EHHADH: variants seen among roughly 807,000 people sequenced by gnomAD.
The protein encoded by EHHADH is enoyl-CoA hydratase and 3-hydroxyacyl CoA dehydrogenase, also known as peroxisomal bifunctional enzyme.
EHHADH carries 48 observed loss-of-function variants against 64.4 expected under a neutral mutation model. The observed-to-expected ratio is 0.75, with a 90% CI of 0.59 to 0.95. The LOEUF is 0.95. Ranked by LOEUF, EHHADH falls within the 40% of genes least tolerant of loss-of-function variation. The pLI is 0.00. For synonymous variants in EHHADH, 308 were observed against 326.7 expected, an observed-to-expected ratio of 0.94 and a Z score of 0.62; for missense variants, 854 against 876.6, an observed-to-expected ratio of 0.97 and a Z score of 0.33.
chr3:185,206,253 GA>G (rs1718386917), intron 5 of EHHADH, among the ~76,000 whole-genome samples: 1 of 150,308 alleles, frequency 6.7e-6, no homozygotes, highest in South Asian at 2.1e-4. Flanking sequence ...ATCGTAGTGG[GA>G]TAATTGGATA....
chr3:185,224,458 G>C (rs1718918788), intron 4 of EHHADH, among the ~76,000 whole-genome samples: 1 of 136,232 alleles, frequency 7.3e-6, no homozygotes, highest in South Asian at 2.3e-4. Context: ...CTGAGATCGT[G>C]CCACTGTACT....
chr3:185,246,159 T>C (rs1719588417), intron 2 of EHHADH: 1 of 1,084,358 alleles, frequency 9.2e-7, no homozygotes, highest in African/African-American at 1.6e-5. Context: ...CCTTTACAAC[T>C]TCTTCAGCTT....
At chr3:185,236,692 A>G (rs962568834) in intron 2 of EHHADH, among the ~76,000 whole-genome samples, 1 of 151,958 alleles carries the variant, frequency 6.6e-6, no homozygotes, top group African/African-American at 2.4e-5. Flanking sequence ...TTTCTCACCA[A>G]TTCATTATAT....
At position 185,192,414 on chromosome 3, in the gene EHHADH, C is replaced by T. The variant is rs147199442; in HGVS notation, c.1984G>A (p.Gly662Arg). The part of the protein sequence containing the change: ...HGYGWPRHKG[G>R]PMFYASTVGL... The stretch of plus-strand genomic sequence containing the variant: ...ACTGTGGAAGCATAGAACATGGGCC[C>T]GCCCTTGTGCCTTGGCCATCCATAT... Residue 662 changes from glycine (G) to arginine (R), a missense_variant, in exon 7 of 7, where the codon GGG becomes AGG. Physicochemically the swap from Gly to Arg is moderately radical, Grantham distance 125 (BLOSUM62 -2). Transcript: ENST00000231887. 2.4e-5 allele frequency: 38 copies of T among 1,614,054 alleles called. No individual in the cohort carries two copies. Among genetic ancestry groups the T allele is most frequent in the African/African-American group, 5.3e-5 (4 of 74,928 alleles).
chr3:185,222,109 G>A lies in EHHADH; in HGVS notation c.464-3869C>T, dbSNP rs547527628. On this transcript the variant is annotated intron_variant, in intron 4 of 6. Coordinates refer to ENST00000231887, the MANE Select transcript of EHHADH (RefSeq NM_001966.4). ...TGTAGAAATCACAAGGCCGGATGTG[G>A]TGGCTCACACCTGTAATCCCAGCAC... Among the ~76,000 whole-genome samples, 5 of 152,076 alleles carry A rather than the reference G, an allele frequency of 3.3e-5. No homozygotes were observed. In the East Asian group the frequency reaches 9.7e-4, roughly 30 times the overall value.
chr3:185,217,857 C>T (rs1436447975), intron 5 of EHHADH, among the ~76,000 whole-genome samples: 2 of 151,326 alleles, frequency 1.3e-5, no homozygotes, highest in Non-Finnish European at 2.9e-5. Flanking sequence ...CTCCGCCTCC[C>T]GGGTTCACGC....
chr3:185,212,000 G>A (rs1347621477), intron 5 of EHHADH, among the ~76,000 whole-genome samples: 2 of 152,210 alleles, frequency 1.3e-5, no homozygotes, highest in Admixed American at 1.3e-4. Flanking sequence ...AGGTTCCAGA[G>A]TTGACACTCC....
At chr3:185,251,981 C>G (rs1424585833) in intron 1 of EHHADH, among the ~76,000 whole-genome samples, 1 of 152,138 alleles carries the variant, frequency 6.6e-6, no homozygotes, top group Non-Finnish European at 1.5e-5. Context: ...TTCATAATTT[C>G]CAGCTGATTT....
At chr3:185,193,675 T>C (rs1000831837) in intron 6 of EHHADH, among the ~76,000 whole-genome samples, 188 bp from the exon 7 acceptor site, 1 of 152,082 alleles carries the variant, frequency 6.6e-6, no homozygotes, top group African/African-American at 2.4e-5. Context: ...TAAAAATTAG[T>C]CAGATTCACA....
intron 2 of EHHADH, among the ~76,000 whole-genome samples, chr3:185,240,538 G>A (rs1031637074): frequency 6.6e-6 from 1 of 151,000 alleles, no homozygotes; most frequent in Non-Finnish European, 1.5e-5. Flanking sequence ...TTTTTTTTTA[G>A]GTATTCTAGT....
At chr3:185,193,556 G>T in intron 6 of EHHADH, 69 bp from the exon 7 acceptor site, 1 of 1,531,060 alleles carries the variant, frequency 6.5e-7, no homozygotes, top group East Asian at 2.3e-5. Context: ...TTATTCACTG[G>T]ATGGAAGGCT....
intron 3 of EHHADH, among the ~76,000 whole-genome samples, chr3:185,230,567 A>C (rs1490382708): frequency 6.6e-6 from 1 of 152,076 alleles, no homozygotes; most frequent in Non-Finnish European, 1.5e-5. Context: ...GTCACAGGAG[A>C]CCACATATCA....
At chr3:185,219,229 T>C (rs1687011550) in intron 4 of EHHADH, among the ~76,000 whole-genome samples, 1 of 152,242 alleles carries the variant, frequency 6.6e-6, no homozygotes, top group Non-Finnish European at 1.5e-5. Flanking sequence ...TGCTATTGTG[T>C]GAGCTTTGAA....
rs150375664 is a variant in EHHADH at position 185,204,537 on chromosome 3, C to T, written c.789G>A (p.Gly263=). The change falls in exon 6 of 7, where the codon GGG becomes GGA. Residue 263 remains glycine (G), a synonymous_variant. Transcript: ENST00000231887. ...AAGCATATTGCAGGGCTCTAGCCTG[C>T]CCTGATTGCAAAAGATATAGAAACA... is the stretch of plus-strand genomic sequence containing the variant. ...EELFLYLLQS[G]QARALQYAFF... is the part of the protein sequence containing the mutation. The T allele has an allele frequency of 1.9e-6, 3 of 1,614,200 alleles. No homozygotes were observed. Among genetic ancestry groups the T allele is most frequent in the Non-Finnish European group, 2.5e-6 (3 of 1,180,030 alleles).
intron 5 of EHHADH, among the ~76,000 whole-genome samples, chr3:185,208,769 T>C (rs1196877916): frequency 6.6e-6 from 1 of 152,064 alleles, no homozygotes; most frequent in East Asian, 1.9e-4. Context: ...CTGGAAACAA[T>C]CCAAACATCC....
intron 2 of EHHADH, among the ~76,000 whole-genome samples, chr3:185,239,133 A>T (rs996792439): frequency 4.9e-4 from 75 of 152,078 alleles, no homozygotes; most frequent in African/African-American, 1.6e-3. Flanking sequence ...ATTCTGTTCC[A>T]CTGGTCTATG....
At chr3:185,249,111 T>C (rs1321154293) in intron 1 of EHHADH, among the ~76,000 whole-genome samples, 1 of 152,132 alleles carries the variant, frequency 6.6e-6, no homozygotes, top group African/African-American at 2.4e-5. Context: ...GGTTTTTACT[T>C]GAATATATGT....
chr3:185,220,582 C>T (rs1718806864), intron 4 of EHHADH, among the ~76,000 whole-genome samples: 1 of 152,138 alleles, frequency 6.6e-6, no homozygotes, highest in African/African-American at 2.4e-5. Context: ...GAATATATCT[C>T]GTTGTTCAAT....
rs1718686598 is a variant in EHHADH, at chr3:185,216,619, T to A, written c.568+1517A>T. On this transcript the variant is annotated intron_variant, in intron 5 of 6. Transcript: ENST00000231887. This position sits in a 1 kb window ranked among gnomAD's most constrained non-coding sequence, Gnocchi z 5.3. ...TATTTTCTCCCCATCGTTCCTCCCCTCTCCAGTTCAAGCTTTTACTTTCAC... is the reference window on the plus strand; with the variant it reads ...TATTTTCTCCCCATCGTTCCTCCCCACTCCAGTTCAAGCTTTTACTTTCAC... Among the ~76,000 whole-genome samples the A allele has an allele frequency of 6.6e-6, 1 of 152,124 alleles. No individual in the cohort carries two copies.
Sources: allele counts gnomAD v4.1 joint callset (sites outside exome capture counted in the v4.1 genomes callset), GRCh38; gene constraint gnomAD v4.1.1; non-coding constraint Gnocchi (gnomAD v3.1); transcripts MANE v1.5; gene names NCBI Gene and HGNC (gene_info 2026-07-23, HGNC 2026-07-21).